ATP6AP2: variants seen among roughly 807,000 people sequenced by gnomAD.
The protein encoded by ATP6AP2 is ATPase H+ transporting accessory protein 2, also known as renin receptor.
ATP6AP2 carries 1 observed loss-of-function variant against 23.4 expected under a neutral mutation model. The ratio of observed to expected loss-of-function variants is 0.04; its 90% confidence interval spans 0.02 to 0.20. The LOEUF (loss-of-function observed/expected upper bound fraction) is 0.20. Ranked by LOEUF, ATP6AP2 falls within the 10% of genes least tolerant of loss-of-function variation. The pLI is 1.00. For missense variants in ATP6AP2, 174 were observed against 271.3 expected, an observed-to-expected ratio of 0.64 and a Z score of 2.52; for synonymous variants, 90 against 97.1, an observed-to-expected ratio of 0.93 and a Z score of 0.43.
rs1018044420 is a variant in ATP6AP2 at position 40,602,147 on chromosome X, T to C, written c.858+1266T>C. Among the ~76,000 whole-genome samples the C allele has an allele frequency of 6.1e-5, 6 of 97,645 alleles. No individual in the cohort carries two copies. In the East Asian group the frequency reaches 2.0e-3, roughly 32 times the overall value. 84.8% of individuals were successfully genotyped at this position (97,645 alleles called of 115,157 possible). ...AAATACAAAAATTAGCCTGGTGTGG[T>C]AGCGGGCACCTGTAATCCCAGCTAC... On this transcript the variant is annotated intron_variant, in intron 8 of 8. Coordinates refer to ENST00000636580, the MANE Select transcript of ATP6AP2 (RefSeq NM_005765.3).
At chrX:40,582,056 CA>C (rs2146535026) in intron 1 of ATP6AP2, among the ~76,000 whole-genome samples, 1 of 111,934 alleles carries the variant, frequency 8.9e-6, no homozygotes, top group East Asian at 2.8e-4. Flanking sequence ...AGACTGGAGG[CA>C]CAGACAGTAG....
At chrX:40,587,378 A>G (rs1477772693) in intron 1 of ATP6AP2, among the ~76,000 whole-genome samples, 2 of 112,426 alleles carry the variant, frequency 1.8e-5, no homozygotes, top group Non-Finnish European at 3.8e-5. Context: ...CAAGATATCT[A>G]TCAGTTACAA....
intron 5 of ATP6AP2, chrX:40,598,379 A>AG: frequency 6.3e-6 from 2 of 319,945 alleles, no homozygotes; most frequent in Non-Finnish European, 1.1e-5. Flanking sequence ...GCAGAGTGCC[A>AG]GGATATCCTG....
rs751433380 is a variant in ATP6AP2 at position 40,599,599 on chromosome X, G to A, written c.596G>A (p.Arg199His). Residue 199 changes from arginine (R) to histidine (H), a missense_variant, in exon 7 of 9, where the codon CGT becomes CAT. Physicochemically the swap from Arg to His is conservative, Grantham distance 29 (BLOSUM62 0). Transcript: ENST00000636580. ...TTTGTTTGTTCTCCTAAGCTGTCTCGTCATAAGCATCTAGCCAAGGATCAT... is the reference window on the plus strand; with the variant it reads ...TTTGTTTGTTCTCCTAAGCTGTCTCATCATAAGCATCTAGCCAAGGATCAT... ...VLHDISSLLSRHKHLAKDHSP... is the reference protein window; with the variant it reads ...VLHDISSLLSHHKHLAKDHSP... 5.8e-6 allele frequency: 7 copies of A among 1,208,743 alleles called. No individual in the cohort carries two copies. The Admixed American group carries it at 1.1e-4, about 19-fold the overall frequency.
chrX:40,597,272 T>C lies in ATP6AP2; in HGVS notation c.324T>C (p.Ser108=), dbSNP rs772002758. The change falls in exon 4 of 9, where the codon AGT becomes AGC. Residue 108 remains serine, a synonymous_variant. Coordinates refer to ENST00000636580, the MANE Select transcript of ATP6AP2 (RefSeq NM_005765.3). ...AGGCAGTTCCTTTTAGTCTTGACAG[T>C]GTTGCAAATTCCATTCACTCCTTAT... is the stretch of plus-strand genomic sequence containing the variant. ...LENAVPFSLD[S]VANSIHSLFS... is the part of the protein sequence containing the mutation. 4.1e-6 allele frequency: 5 copies of C among 1,206,062 alleles called. No homozygotes were observed. Among genetic ancestry groups the C allele is most frequent in the Non-Finnish European group, 5.6e-6 (5 of 891,214 alleles).
At chrX:40,587,152 C>T (rs1003564710) in intron 1 of ATP6AP2, among the ~76,000 whole-genome samples, 3 of 111,407 alleles carry the variant, frequency 2.7e-5, no homozygotes, top group African/African-American at 9.8e-5. Flanking sequence ...CACCTGTAAT[C>T]CCAGCTACTT....
chrX:40,588,348 C>G (rs1244769574), intron 1 of ATP6AP2, among the ~76,000 whole-genome samples: 2 of 69,639 alleles, frequency 2.9e-5, no homozygotes, highest in African/African-American at 5.2e-5. Flanking sequence ...CCCCCCCCCC[C>G]CAACATTTGA....
chrX:40,593,248 GA>G (rs200465480), intron 3 of ATP6AP2, among the ~76,000 whole-genome samples: 46 of 102,156 alleles, frequency 4.5e-4, no homozygotes, highest in Middle Eastern at 5.0e-3. Context: ...CTCCATCTGG[GA>G]AAAAAAAAAA....
At chrX:40,581,317 G>A (rs1926317873) in intron 1 of ATP6AP2, among the ~76,000 whole-genome samples, 2 of 113,391 alleles carry the variant, frequency 1.8e-5, no homozygotes, top group African/African-American at 6.4e-5. Flanking sequence ...GCTGGGCTGC[G>A]TAGGGGGCCC....
intron 1 of ATP6AP2, among the ~76,000 whole-genome samples, chrX:40,585,916 A>G (rs1411303811): frequency 1.8e-5 from 2 of 111,992 alleles, no homozygotes; most frequent in Admixed American, 9.5e-5. Flanking sequence ...CTTAAAATGA[A>G]GTATAGAAGC....
Position 40,585,716 on chromosome X carries a change from C to T in ATP6AP2, c.38-3270C>T, listed in dbSNP as rs769452204. ...CAAAAAAATACACAAGTTAGCCAGA[C>T]GTGGTGGTGCGTGCCTGTAGTCCCA... On this transcript the variant is annotated intron_variant, in intron 1 of 8. Transcript: ENST00000636580. Among the ~76,000 whole-genome samples the T allele has an allele frequency of 4.4e-4, 48 of 110,314 alleles. 1 individual carries two copies. The highest frequency in any genetic ancestry group is 4.2e-3 in the Middle Eastern group (1 of 240).
chrX:40,600,892 T>C lies in ATP6AP2; in HGVS notation c.858+11T>C. 1 of 1,198,139 alleles carries C rather than the reference T, an allele frequency of 8.3e-7. No homozygotes were observed. The highest frequency in any genetic ancestry group is 1.1e-6 in the Non-Finnish European group (1 of 889,820). Reference sequence around the variant, plus strand: ...GAGGCAAAACAAGCGGTGAGTATATTTTGAGATCCTGCTTTAAAACTGTAA... The same window carrying C: ...GAGGCAAAACAAGCGGTGAGTATATCTTGAGATCCTGCTTTAAAACTGTAA... On this transcript the variant is annotated intron_variant, in intron 8 of 8. Coordinates refer to ENST00000636580, the MANE Select transcript of ATP6AP2 (RefSeq NM_005765.3).
chrX:40,581,180 G>T, intron 1 of ATP6AP2, 78 bp downstream of exon 1: 1 of 963,957 alleles, frequency 1.0e-6, no homozygotes. Context: ...GCGGCCGCGG[G>T]CGAGTAGCTG....
At chrX:40,587,974 T>C (rs1163536197) in intron 1 of ATP6AP2, among the ~76,000 whole-genome samples, 2 of 113,206 alleles carry the variant, frequency 1.8e-5, no homozygotes, top group Non-Finnish European at 3.7e-5. Flanking sequence ...GGCTCTGCCC[T>C]TAGGCCTGGC....
intron 6 of ATP6AP2, 167 bp from the exon 7 acceptor site, chrX:40,599,425 T>C: frequency 7.2e-6 from 4 of 556,961 alleles, no homozygotes; most frequent in Non-Finnish European, 1.2e-5. Flanking sequence ...AAACGCTTAT[T>C]CAAACCAGTT....
intron 3 of ATP6AP2, among the ~76,000 whole-genome samples, chrX:40,594,637 T>C (rs900655549): frequency 3.6e-5 from 4 of 112,103 alleles, no homozygotes; most frequent in African/African-American, 1.3e-4. Context: ...CTATAATGGA[T>C]AGTAAATAGA....
chrX:40,597,898 G>T, intron 5 of ATP6AP2: 2 of 361,060 alleles, frequency 5.5e-6, no homozygotes, highest in South Asian at 7.6e-5. Flanking sequence ...ATGAAAGATT[G>T]TGCACATTTA....
chrX:40,586,168 G>A (rs932634075), intron 1 of ATP6AP2, among the ~76,000 whole-genome samples: 2 of 111,747 alleles, frequency 1.8e-5, no homozygotes, highest in African/African-American at 6.5e-5. Flanking sequence ...AATGTGTCGG[G>A]CTCTGTTCTC....
chrX:40,595,602 G>A (rs188001369), intron 3 of ATP6AP2, among the ~76,000 whole-genome samples: 1 of 111,840 alleles, frequency 8.9e-6, no homozygotes, highest in African/African-American at 3.2e-5. Flanking sequence ...TTCCTGAACC[G>A]AGCGCCATTT....
Sources: gnomAD v4.1 joint callset for allele counts (sites outside exome capture counted in the v4.1 genomes callset) on GRCh38, gnomAD v4.1.1 for gene constraint, MANE v1.5 for transcripts, NCBI Gene and HGNC (gene_info 2026-07-23, HGNC 2026-07-21) for gene names.